INPP4B: variants seen among roughly 807,000 people sequenced by gnomAD.
The protein encoded by INPP4B is inositol polyphosphate 4-phosphatase type II.
In INPP4B, 55 loss-of-function variants were observed where a neutral mutation model predicts 122.5. The observed-to-expected ratio is 0.45, with a 90% confidence interval of 0.36 to 0.56. The LOEUF is 0.56. Ranked by LOEUF, INPP4B falls within the 20% of genes least tolerant of loss-of-function variation. INPP4B has a pLI of 0.00. For missense variants in INPP4B, 1,000 were observed against 1,097.7 expected, an observed-to-expected ratio of 0.91 and a Z score of 1.26; for synonymous variants, 403 against 388.7, an observed-to-expected ratio of 1.04 and a Z score of -0.43.
intron 7 of INPP4B, among the ~76,000 whole-genome samples, chr4:142,377,913 C>A (rs745365557): frequency 3.9e-5 from 6 of 152,100 alleles, no homozygotes; most frequent in Non-Finnish European, 7.4e-5. Context: ...CCAGCCTGAT[C>A]AATACACTGT....
intron 2 of INPP4B, among the ~76,000 whole-genome samples, chr4:142,618,954 C>T (rs1032663701): frequency 7.2e-5 from 11 of 151,866 alleles, no homozygotes; most frequent in African/African-American, 2.4e-4. Context: ...TCTCCAAAGA[C>T]CACATATGAA....
chr4:142,515,024 G>A (rs1021821274), intron 2 of INPP4B, among the ~76,000 whole-genome samples: 6 of 151,746 alleles, frequency 4.0e-5, no homozygotes, highest in African/African-American at 2.4e-5. Flanking sequence ...TTAAACTCCT[G>A]ACCTCAGGAA....
chr4:142,837,829 AAGAAAAATAATG>A (rs779756244), intron 1 of INPP4B, among the ~76,000 whole-genome samples: 57 of 152,160 alleles, frequency 3.7e-4, no homozygotes, highest in Admixed American at 3.9e-4. Context: ...AATCACTCCT[AAGAAAAATAATG>A]AGAAAAATAG....
intron 5 of INPP4B, chr4:142,423,894 G>A (rs545793582): frequency 2.1e-5 from 8 of 381,108 alleles, no homozygotes; most frequent in African/African-American, 1.7e-4. Flanking sequence ...AGATTAATCA[G>A]GAATCCTATT....
At chr4:142,757,770 T>C (rs1213142113) in intron 1 of INPP4B, among the ~76,000 whole-genome samples, 6 of 152,188 alleles carry the variant, frequency 3.9e-5, no homozygotes, top group Admixed American at 2.0e-4. Context: ...TTTGGGTGCA[T>C]ACCAAGGAGC....
chr4:142,207,353 G>T (rs1244353912), intron 14 of INPP4B, among the ~76,000 whole-genome samples: 1 of 151,958 alleles, frequency 6.6e-6, no homozygotes, highest in Non-Finnish European at 1.5e-5. Context: ...AGTTTTTTTA[G>T]GAACCTCCAT....
At chr4:142,812,241 G>T (rs941887898) in intron 1 of INPP4B, among the ~76,000 whole-genome samples, 3 of 152,118 alleles carry the variant, frequency 2.0e-5, no homozygotes, top group Non-Finnish European at 4.4e-5. Flanking sequence ...CACACCCATG[G>T]TATTTTAGCC....
At chr4:142,299,173 G>GTTTT (rs780746455) in intron 9 of INPP4B, among the ~76,000 whole-genome samples, 15,554 of 143,256 alleles carry the variant, frequency 0.11, 1,828 homozygotes, top group African/African-American at 0.29. Context: ...TTTTTTTGGG[G>GTTTT]GGGAGACAGA....
chr4:142,737,852 GA>G (rs1251682063), intron 1 of INPP4B, among the ~76,000 whole-genome samples: 2 of 152,164 alleles, frequency 1.3e-5, no homozygotes, highest in Non-Finnish European at 2.9e-5. Flanking sequence ...AAAAACACAT[GA>G]AAAAATGCTC....
At chr4:142,315,547 T>TC (rs1193115083) in intron 7 of INPP4B, among the ~76,000 whole-genome samples, 1 of 151,992 alleles carries the variant, frequency 6.6e-6, no homozygotes, top group African/African-American at 2.4e-5. Flanking sequence ...CCTTTCAAAC[T>TC]CTTGGTGCGC....
At chr4:142,209,295 AC>A (rs2149530746) in intron 12 of INPP4B, among the ~76,000 whole-genome samples, 1 of 152,322 alleles carries the variant, frequency 6.6e-6, no homozygotes, top group African/African-American at 2.4e-5. Flanking sequence ...AAGATGGCAG[AC>A]TTCCTATTCT....
intron 1 of INPP4B, among the ~76,000 whole-genome samples, chr4:142,751,558 T>C (rs1769722805): frequency 6.6e-6 from 1 of 152,118 alleles, no homozygotes; most frequent in African/African-American, 2.4e-5. Context: ...AGTAACACTC[T>C]GCTTTTTAAA....
intron 25 of INPP4B, among the ~76,000 whole-genome samples, chr4:142,036,570 C>A (rs1024521448): frequency 1.3e-5 from 2 of 152,058 alleles, no homozygotes; most frequent in Admixed American, 6.6e-5. Flanking sequence ...TGCCAGATGG[C>A]TTTATTTTCT....
At chr4:142,827,633 T>C (rs2151172328) in intron 1 of INPP4B, among the ~76,000 whole-genome samples, 1 of 152,272 alleles carries the variant, frequency 6.6e-6, no homozygotes. Context: ...GTCAGAAATA[T>C]ATTTCCTAAA....
At chr4:142,206,933 A>G (rs565939075) in intron 14 of INPP4B, among the ~76,000 whole-genome samples, 83 of 152,040 alleles carry the variant, frequency 5.5e-4, no homozygotes, top group Non-Finnish European at 8.2e-4. Context: ...GCGACTGTGT[A>G]CCTTTGACTA....
chr4:142,124,071 G>T (rs1346897358), intron 19 of INPP4B, among the ~76,000 whole-genome samples: 1 of 152,062 alleles, frequency 6.6e-6, no homozygotes, highest in Non-Finnish European at 1.5e-5. Context: ...ATCATGTTGG[G>T]TGTAGGCAAG....
intron 2 of INPP4B, among the ~76,000 whole-genome samples, chr4:142,554,321 A>C (rs2150090166): frequency 6.9e-6 from 1 of 145,126 alleles, no homozygotes. Flanking sequence ...CATCTCCTCC[A>C]CCAACTCCAT....
At chr4:142,585,725 C>A (rs997034126) in intron 2 of INPP4B, among the ~76,000 whole-genome samples, 1 of 151,986 alleles carries the variant, frequency 6.6e-6, no homozygotes, top group Non-Finnish European at 1.5e-5. Context: ...GTCCTCCATA[C>A]TCTAGGGCCA....
chr4:142,723,675 T>C (rs1764976853), intron 2 of INPP4B, among the ~76,000 whole-genome samples: 1 of 152,144 alleles, frequency 6.6e-6, no homozygotes, highest in Non-Finnish European at 1.5e-5. Context: ...ACAAAATGAA[T>C]GTGTTAGTCA....
Sources: gnomAD v4.1 joint callset for allele counts (sites outside exome capture counted in the v4.1 genomes callset) on GRCh38, gnomAD v4.1.1 for gene constraint, MANE v1.5 for transcripts, NCBI Gene and HGNC (gene_info 2026-07-23, HGNC 2026-07-21) for gene names.